Variants in PRPF6 observed in about 807,000 individuals in gnomAD.
PRPF6 encodes pre-mRNA processing factor 6.
In PRPF6, 42 loss-of-function variants were observed where a neutral mutation model predicts 118.3. The observed-to-expected ratio is 0.35, with a 90% CI of 0.28 to 0.46. The LOEUF is 0.46. Ranked by LOEUF, PRPF6 falls within the 20% of genes least tolerant of loss-of-function variation. The pLI is 1.00. For missense variants in PRPF6, 662 were observed against 1,255.7 expected (o/e 0.53, Z 7.15); for synonymous variants, 481 against 485.1 (o/e 0.99, Z 0.11).
rs532242246 is a variant in PRPF6 at position 63,995,493 on chromosome 20, C to T, written c.771+11C>T. 2.5e-6 allele frequency: 4 copies of T among 1,614,008 alleles called. No homozygotes were observed. Among genetic ancestry groups the T allele is most frequent in the East Asian group, 4.5e-5 (2 of 44,884 alleles). ...ATGAGGCTGAGCCAGGTGAGTTTGT[C>T]ACACAGCATTTTCCTGTGGACAGGT... On this transcript the variant is annotated intron_variant, in intron 6 of 20. Transcript: ENST00000266079.
At chr20:63,990,797 G>T (rs1190806126) in intron 3 of PRPF6, among the ~76,000 whole-genome samples, 2 of 151,780 alleles carry the variant, frequency 1.3e-5, no homozygotes, top group Non-Finnish European at 2.9e-5. Context: ...GGCATGCACC[G>T]CCACGCCCGG....
At position 63,981,145 on chromosome 20, in the gene PRPF6, T is replaced by A. The variant is rs1569208721; in HGVS notation, c.-101T>A. On this transcript the variant is annotated 5_prime_UTR_variant, in exon 1 of 21. Transcript: ENST00000266079. ...GGGTGACGCGACGACGGCGACACTT[T>A]GCTACGGAGTGCATCGGACGTCGAA... 1 of 1,284,838 alleles carries A rather than the reference T, an allele frequency of 7.8e-7. No individual in the cohort carries two copies. Among genetic ancestry groups the A allele is most frequent in the Non-Finnish European group, 1.1e-6 (1 of 905,314 alleles). The allele number at this position is 1,284,838 out of a possible 1,614,324, so 79.6% of individuals were successfully genotyped here. A position where few individuals can be genotyped will look rare whatever the true frequency, so the allele number is the denominator to read the frequency against.
intron 13 of PRPF6, 91 bp from the exon 14 acceptor site, chr20:64,024,464 G>C (rs1480545165): frequency 1.1e-5 from 17 of 1,529,338 alleles, no homozygotes; most frequent in African/African-American, 1.4e-5. Flanking sequence ...AGCAGTAACT[G>C]TCTTTCTGGC....
At chr20:63,988,290 A>G (rs1210223291) in intron 3 of PRPF6, among the ~76,000 whole-genome samples, 1 of 151,478 alleles carries the variant, frequency 6.6e-6, no homozygotes, top group Non-Finnish European at 1.5e-5. Flanking sequence ...ACTGCACTCC[A>G]GCCTGAGTGA....
intron 3 of PRPF6, among the ~76,000 whole-genome samples, chr20:63,991,649 G>A (rs2059119259): frequency 6.6e-6 from 1 of 152,094 alleles, no homozygotes; most frequent in Non-Finnish European, 1.5e-5. Context: ...AATTAGCTGG[G>A]TGTGGTGGTG....
intron 12 of PRPF6, among the ~76,000 whole-genome samples, chr20:64,018,186 C>G (rs2059247553): frequency 6.6e-6 from 1 of 152,006 alleles, no homozygotes; most frequent in African/African-American, 2.4e-5. Context: ...ACAGCAAGAC[C>G]CTATCTCAAA....
At chr20:63,987,980 C>T (rs953249117) in intron 3 of PRPF6, among the ~76,000 whole-genome samples, 1 of 151,350 alleles carries the variant, frequency 6.6e-6, no homozygotes, top group Admixed American at 6.6e-5. Context: ...GTCAGGAGTT[C>T]GAGACCAGCC....
intron 2 of PRPF6, among the ~76,000 whole-genome samples, chr20:63,984,507 A>C (rs900864436): frequency 3.3e-5 from 5 of 152,186 alleles, no homozygotes; most frequent in African/African-American, 7.2e-5. Context: ...AAGTTTCTGC[A>C]TGTCTTTCAC....
At chr20:64,023,700 G>C (rs1569224428) in intron 13 of PRPF6, among the ~76,000 whole-genome samples, 1 of 152,208 alleles carries the variant, frequency 6.6e-6, no homozygotes, top group South Asian at 2.1e-4. Flanking sequence ...GGGACGTTTT[G>C]AAATGGCTGC....
At chr20:64,020,148 C>T (rs2059256171) in intron 12 of PRPF6, among the ~76,000 whole-genome samples, 1 of 152,240 alleles carries the variant, frequency 6.6e-6, no homozygotes, top group African/African-American at 2.4e-5. Flanking sequence ...GGCGCAGTGG[C>T]TCATGCCTGG....
chr20:63,994,028 G>A (rs2059130699), intron 4 of PRPF6, among the ~76,000 whole-genome samples: 1 of 152,106 alleles, frequency 6.6e-6, no homozygotes, highest in Non-Finnish European at 1.5e-5. Context: ...GGGATTACAG[G>A]CGTGAGCCAC....
Position 63,981,206 on chromosome 20 carries a change from C to T in PRPF6, c.-40C>T. 5 of 1,575,442 alleles carry T rather than the reference C, an allele frequency of 3.2e-6. No individual in the cohort carries two copies. The South Asian group carries it at 4.6e-5, about 15-fold the overall frequency. The stretch of plus-strand genomic sequence containing the variant: ...TCTGCGTCTTTCCCTCTTCCGCTGC[C>T]TCATTCCTTTCCTTCCTAGCCTTGG... On this transcript the variant is annotated 5_prime_UTR_variant, in exon 1 of 21. Coordinates refer to ENST00000266079, the MANE Select transcript of PRPF6 (RefSeq NM_012469.4).
intron 2 of PRPF6, 42 bp from the exon 3 acceptor site, chr20:63,984,865 T>A: frequency 7.1e-7 from 1 of 1,406,724 alleles, no homozygotes; most frequent in Non-Finnish European, 1.0e-6. Flanking sequence ...GGGATGGTGT[T>A]GAAGGAAAAG....
intron 9 of PRPF6, among the ~76,000 whole-genome samples, chr20:64,006,967 G>A (rs941587598): frequency 1.3e-5 from 2 of 152,236 alleles, no homozygotes; most frequent in African/African-American, 4.8e-5. Flanking sequence ...CCAGTGTGCT[G>A]TGCAGAACCA....
chr20:63,983,346 A>T, intron 2 of PRPF6, 131 bp downstream of exon 2: 4 of 1,161,392 alleles, frequency 3.4e-6, no homozygotes, highest in Middle Eastern at 2.0e-4. Context: ...TATTCATGGA[A>T]CATCTTTACT....
chr20:64,010,128 C>A, intron 9 of PRPF6, 72 bp from the exon 10 acceptor site: 1 of 1,278,118 alleles, frequency 7.8e-7, no homozygotes, highest in Non-Finnish European at 1.1e-6. Context: ...TGACCAGCAG[C>A]ATGCTCACCA....
At chr20:64,009,096 A>G (rs558155502) in intron 9 of PRPF6, among the ~76,000 whole-genome samples, 1 of 151,730 alleles carries the variant, frequency 6.6e-6, no homozygotes, top group Admixed American at 6.6e-5. Flanking sequence ...ATCCTAGCCA[A>G]CATGGTGAAA....
In PRPF6 at chr20:63,995,162, G is replaced by A. The variant is rs948487344; in HGVS notation, c.615+70G>A. Reference sequence around the variant, plus strand: ...AGATCAGTGGCAGGAATGGTGGGTGGTGTTGGATTCAATGCTTCTGCAGGT... The same window carrying A: ...AGATCAGTGGCAGGAATGGTGGGTGATGTTGGATTCAATGCTTCTGCAGGT... On this transcript the variant is annotated intron_variant, in intron 5 of 20. Transcript: ENST00000266079. 8.1e-6 allele frequency: 13 copies of A among 1,607,848 alleles called. No homozygotes were observed. The East Asian group carries it at 8.9e-5, about 11-fold the overall frequency.
intron 12 of PRPF6, among the ~76,000 whole-genome samples, chr20:64,017,286 C>CGCAGATTTGCTTTCT (rs2059242833): frequency 6.9e-6 from 1 of 145,846 alleles, no homozygotes; most frequent in African/African-American, 2.6e-5. Context: ...CATGCCTGGC[C>CGCAGATTTGCTTTCT]TCCCAAAGTG....
Sources: allele counts gnomAD v4.1 joint callset (sites outside exome capture counted in the v4.1 genomes callset), GRCh38; gene constraint gnomAD v4.1.1; transcripts MANE v1.5; gene names NCBI Gene and HGNC (gene_info 2026-07-23, HGNC 2026-07-21).